Variants in SBNO2 observed in about 807,000 individuals in gnomAD.
The protein encoded by SBNO2 is strawberry notch homolog 2.
Under a neutral mutation model 146.3 loss-of-function variants are expected in SBNO2, and 89 were observed. That is an observed-to-expected ratio of 0.61 (90% CI 0.51 to 0.73). SBNO2 has a LOEUF of 0.73. SBNO2 is among the 30% of genes least tolerant of loss of function. SBNO2 has a pLI of 0.00. For synonymous variants in SBNO2, 1,147 were observed against 892.6 expected, an observed-to-expected ratio of 1.29 and a Z score of -5.08; for missense variants, 2,092 against 2,003.7, an observed-to-expected ratio of 1.04 and a Z score of -0.84.
At chr19:1,166,157 G>A (rs1599886318) in intron 1 of SBNO2, among the ~76,000 whole-genome samples, 2 of 138,330 alleles carry the variant, frequency 1.4e-5, no homozygotes, top group East Asian at 4.5e-4. Flanking sequence ...CCAGATCCCA[G>A]ACTTCAGATC....
At position 1,158,379 on chromosome 19, in the gene SBNO2, C is replaced by A. The variant is rs2080312377; in HGVS notation, c.-126-3977G>T. ...TGGACACGGAGGCCCCTAGGTGGAG[C>A]CTTGACGTGACCCCCAGAGCCAGAC... On this transcript the variant is annotated intron_variant, in intron 1 of 31. Coordinates refer to ENST00000361757, the MANE Select transcript of SBNO2 (RefSeq NM_014963.3). The surrounding 1 kb of genome is among the most constrained non-coding windows in gnomAD (Gnocchi z 9.9). Among the ~76,000 whole-genome samples the A allele has an allele frequency of 6.6e-6, 1 of 152,146 alleles. No individual in the cohort carries two copies. The highest frequency in any genetic ancestry group is 6.6e-5 in the Admixed American group (1 of 15,264).
chr19:1,145,961 G>A (rs112410008), intron 4 of SBNO2, among the ~76,000 whole-genome samples: 5 of 152,042 alleles, frequency 3.3e-5, no homozygotes, highest in African/African-American at 1.2e-4. Context: ...CCCAGGGCCC[G>A]GGAGTCTGAG....
At chr19:1,135,743 G>A (rs561673417) in intron 4 of SBNO2, among the ~76,000 whole-genome samples, 14 of 152,314 alleles carry the variant, frequency 9.2e-5, no homozygotes, top group African/African-American at 3.1e-4. Flanking sequence ...GCATTACAGG[G>A]AGGGAAACAG....
Position 1,136,584 on chromosome 19 carries a change from T to C in SBNO2, c.280-8819A>G, listed in dbSNP as rs1049675844. Among the ~76,000 whole-genome samples, 4 of 152,204 alleles carry C rather than the reference T, an allele frequency of 2.6e-5. No individual in the cohort carries two copies. Among genetic ancestry groups the C allele is most frequent in the South Asian group, 2.1e-4 (1 of 4,830 alleles). On this transcript the variant is annotated intron_variant, in intron 4 of 31. Coordinates refer to ENST00000361757, the MANE Select transcript of SBNO2 (RefSeq NM_014963.3). This position sits in a 1 kb window ranked among gnomAD's most constrained non-coding sequence, Gnocchi z 4.2. ...GGACAGAAGGTGGCTCTTCTTGGCC[T>C]TGGCTGGGTGTGAACCAAAGACTTC...
rs1044902892 is a variant in SBNO2, at chr19:1,111,604, C to T, written c.2711G>A (p.Arg904Gln). The change falls in exon 24 of 32, where the codon CGG becomes CAG. Residue 904 changes from arginine to glutamine, a missense_variant. Transcript: ENST00000361757. ...GGTGGTGAGGACACAGTGCAGGGCC[C>T]GGGTGCCATACTAGGGGGAGAAGGT... ...KYNFENKYGTRALHCVLTTIL... is the reference protein window; with the variant it reads ...KYNFENKYGTQALHCVLTTIL... 6 of 1,585,338 alleles carry T rather than the reference C, an allele frequency of 3.8e-6. No homozygotes were observed. Among genetic ancestry groups the T allele is most frequent in the African/African-American group, 1.3e-5 (1 of 74,260 alleles).
In SBNO2 at chr19:1,109,882, A is replaced by G. The variant is rs772111521; in HGVS notation, c.3029-105T>C. 1.3e-5 allele frequency: 10 copies of G among 780,888 alleles called. No homozygotes were observed. Among genetic ancestry groups the G allele is most frequent in the Admixed American group, 5.7e-5 (2 of 35,236 alleles). The allele number at this position is 780,888 out of a possible 1,614,324, so 48.4% of individuals were successfully genotyped here. ...CGCACCCTAGAGACGACCCCCCGAG[A>G]GCACAGGAGAGGGTGTCCTGGATCC... On this transcript the variant is annotated intron_variant, in intron 26 of 31. Coordinates refer to ENST00000361757, the MANE Select transcript of SBNO2 (RefSeq NM_014963.3). The surrounding 1 kb of genome is among the most constrained non-coding windows in gnomAD (Gnocchi z 4.2).
rs1227895757 is a variant in SBNO2, at chr19:1,109,708, T to C, written c.3098A>G (p.Gln1033Arg). 6 of 1,603,498 alleles carry C rather than the reference T, an allele frequency of 3.7e-6. No individual in the cohort carries two copies. The highest frequency in any genetic ancestry group is 1.7e-4 in the Middle Eastern group (1 of 5,864). The change falls in exon 27 of 32, where the codon CAG becomes CGG. Residue 1033 changes from glutamine to arginine, a missense_variant. Coordinates refer to ENST00000361757, the MANE Select transcript of SBNO2 (RefSeq NM_014963.3). The surrounding 1 kb of genome is among the most constrained non-coding windows in gnomAD (Gnocchi z 4.2). Reference protein sequence around the residue: ...QQVFLAPGHPQDGQVVFYKIS... With the variant: ...QQVFLAPGHPRDGQVVFYKIS... Reference sequence around the variant, plus strand: ...CTTGTAGAAGACCACCTGCCCGTCCTGCGGGTGCCCGGGAGCCAGGAACAC... The same window carrying C: ...CTTGTAGAAGACCACCTGCCCGTCCCGCGGGTGCCCGGGAGCCAGGAACAC...
At position 1,119,626 on chromosome 19, in the gene SBNO2, G is replaced by A. The variant is rs756197838; in HGVS notation, c.1268-5C>T. 2.6e-5 allele frequency: 41 copies of A among 1,600,856 alleles called. No homozygotes were observed. The Admixed American group carries it at 6.8e-4, about 27-fold the overall frequency. On this transcript the variant is annotated splice_polypyrimidine_tract_variant and splice_region_variant and intron_variant, in intron 12 of 31. Coordinates refer to ENST00000361757, the MANE Select transcript of SBNO2 (RefSeq NM_014963.3). ...TGTTCCGAGGCTCAGAGGCACCTGT[G>A]GGGGGAAGCTGCCGTCAGCTCCCCA... is the stretch of plus-strand genomic sequence containing the variant.
intron 4 of SBNO2, among the ~76,000 whole-genome samples, chr19:1,142,013 G>C (rs1568608468): frequency 3.9e-5 from 1 of 25,486 alleles, no homozygotes; most frequent in Non-Finnish European, 9.1e-5. Flanking sequence ...AGACCACCAG[G>C]TGAGCCATGA....
intron 2 of SBNO2, among the ~76,000 whole-genome samples, chr19:1,153,516 G>A (rs1469773117): frequency 6.6e-6 from 1 of 151,264 alleles, no homozygotes; most frequent in Admixed American, 6.6e-5. Context: ...TAGGATTACA[G>A]GCGTGAGCCA....
chr19:1,132,069 G>C (rs376237269), intron 4 of SBNO2: 32 of 1,511,658 alleles, frequency 2.1e-5, no homozygotes, highest in Non-Finnish European at 2.5e-5. Flanking sequence ...GGCCTCGCCC[G>C]CCCCGGGAAG....
chr19:1,172,606 C>T (rs1019077299), intron 1 of SBNO2, among the ~76,000 whole-genome samples: 3 of 152,222 alleles, frequency 2.0e-5, no homozygotes, highest in Non-Finnish European at 4.4e-5. Flanking sequence ...GGAAGCAGTG[C>T]CGGCTGCCCT....
chr19:1,147,226 C>G, intron 4 of SBNO2, 83 bp downstream of exon 4: 1 of 942,514 alleles, frequency 1.1e-6, no homozygotes, highest in Non-Finnish European at 1.6e-6. Flanking sequence ...CAGGCCTGAG[C>G]GAGAGAGGTC....
At position 1,109,903 on chromosome 19, in the gene SBNO2, G is replaced by T. The variant is rs1265319690; in HGVS notation, c.3029-126C>A. 3 of 703,478 alleles carry T rather than the reference G, an allele frequency of 4.3e-6. No individual in the cohort carries two copies. The Admixed American group carries it at 8.8e-5, about 21-fold the overall frequency. The allele number at this position is 703,478 out of a possible 1,614,324, so 43.6% of individuals were successfully genotyped here. A position where few individuals can be genotyped will look rare whatever the true frequency, so the allele number is the denominator to read the frequency against. On this transcript the variant is annotated intron_variant, in intron 26 of 31. Coordinates refer to ENST00000361757, the MANE Select transcript of SBNO2 (RefSeq NM_014963.3). The surrounding 1 kb of genome is among the most constrained non-coding windows in gnomAD (Gnocchi z 4.2). ...CGAGAGCACAGGAGAGGGTGTCCTG[G>T]ATCCTGGCCTGACCTGGCCCAGCGT...
At position 1,123,629 on chromosome 19, in the gene SBNO2, A is replaced by G. The variant is rs1432079149; in HGVS notation, c.533T>C (p.Val178Ala). Residue 178 changes from valine to alanine, a missense_variant, in exon 7 of 32, where the codon GTG becomes GCG. Transcript: ENST00000361757. ...GTCCTCCTCCTCTGGCTGGCTCTGC[A>G]CACTCTGCTCCTGCGTGCGTGGCGG... Reference protein sequence around the residue: ...PLLVSYQEQSVQSQPEEEDEA... With the variant: ...PLLVSYQEQSAQSQPEEEDEA... The G allele has an allele frequency of 5.6e-6, 9 of 1,612,276 alleles. No homozygotes were observed. Among genetic ancestry groups the G allele is most frequent in the Non-Finnish European group, 6.8e-6 (8 of 1,179,470 alleles).
chr19:1,120,456 T>C (rs2079887728), intron 11 of SBNO2, among the ~76,000 whole-genome samples: 1 of 152,202 alleles, frequency 6.6e-6, no homozygotes, highest in South Asian at 2.1e-4. Context: ...AACCTCTGCC[T>C]CTCAGATTCA....
rs765584534 is a variant in SBNO2, at chr19:1,116,026, C to T, written c.1880G>A (p.Arg627Gln). ...CCATGGGGGGCAGGGCTTACGTTTC[C>T]GCTTGCTGCCCGCTCCTCTGTCCCG... ...RKRDRGAGSK[R>Q]KRRPRGRGAK... Residue 627 changes from arginine to glutamine, a missense_variant, in exon 17 of 32, where the codon CGG (arginine) becomes CAG (glutamine). Coordinates refer to ENST00000361757, the MANE Select transcript of SBNO2 (RefSeq NM_014963.3). The T allele has an allele frequency of 5.0e-6, 8 of 1,608,996 alleles. No individual in the cohort carries two copies. The highest frequency in any genetic ancestry group is 4.0e-5 in the African/African-American group (3 of 74,648).
chr19:1,110,772 C>T lies in SBNO2; in HGVS notation c.3001G>A (p.Glu1001Lys). Residue 1001 changes from glutamate (E) to lysine (K), a missense_variant, in exon 26 of 32, where the codon GAG becomes AAG. By Grantham distance (56) the Glu-to-Lys change is moderately conservative. Coordinates refer to ENST00000361757, the MANE Select transcript of SBNO2 (RefSeq NM_014963.3). The surrounding 1 kb of genome is among the most constrained non-coding windows in gnomAD (Gnocchi z 4.9). ...AGGATGCCCATGTCGTATTTGCCCT[C>T]CCGCTTGTCCATCTCGATGAGGTGG... Reference protein sequence around the residue: ...FDHLIEMDKREGKYDMGILDL... With the variant: ...FDHLIEMDKRKGKYDMGILDL... The T allele has an allele frequency of 6.2e-7, 1 of 1,613,680 alleles. No homozygotes were observed. The highest frequency in any genetic ancestry group is 8.5e-7 in the Non-Finnish European group (1 of 1,179,774).
chr19:1,160,661 C>A (rs1210108910), intron 1 of SBNO2, among the ~76,000 whole-genome samples: 4 of 152,070 alleles, frequency 2.6e-5, no homozygotes, highest in African/African-American at 9.7e-5. Flanking sequence ...TCTGGAGTAA[C>A]TGGGATGACA....
Sources: gnomAD v4.1 joint callset for allele counts (sites outside exome capture counted in the v4.1 genomes callset) on GRCh38, gnomAD v4.1.1 for gene constraint, Gnocchi (gnomAD v3.1) non-coding constraint, MANE v1.5 for transcripts, NCBI Gene and HGNC (gene_info 2026-07-23, HGNC 2026-07-21) for gene names.